The following PDE5A variants were observed in gnomAD, a reference collection of about 807,000 sequenced individuals.
PDE5A encodes phosphodiesterase 5A, also known as cGMP-specific 3',5'-cyclic phosphodiesterase.
A neutral mutation model predicts 110.2 loss-of-function variants in PDE5A; 67 were observed. The ratio of observed to expected loss-of-function variants is 0.61; its 90% CI spans 0.50 to 0.75. PDE5A has a LOEUF of 0.75. Among genes scored for constraint, PDE5A ranks in the 30% least tolerant of loss-of-function variants. The probability of loss-of-function intolerance (pLI) is 0.00; values close to 1 mark genes in which losing one functional copy is unlikely to be tolerated. For synonymous variants in PDE5A, 328 were observed against 351.2 expected (o/e 0.93, Z 0.74); for missense variants, 862 against 1,045.1 (o/e 0.82, Z 2.42).
chr4:119,603,371 AATAAATACATAC>A (rs1266591605), intron 2 of PDE5A, among the ~76,000 whole-genome samples: 1 of 91,552 alleles, frequency 1.1e-5, no homozygotes, highest in African/African-American at 3.8e-5. Context: ...TCTGGCTTAA[AATAAATACATAC>A]ATACATACAT....
intron 9 of PDE5A, chr4:119,548,881 A>G (rs959026468): frequency 6.6e-6 from 1 of 152,224 alleles, no homozygotes; most frequent in African/African-American, 2.4e-5. Context: ...AAAAACCTGG[A>G]TACTTTAAGT....
chr4:119,504,481 G>C, intron 18 of PDE5A, 55 bp downstream of exon 18: 1 of 1,373,326 alleles, frequency 7.3e-7, no homozygotes, highest in Non-Finnish European at 1.0e-6. Flanking sequence ...TGGGATTGCT[G>C]GGTAGAATGT....
intron 2 of PDE5A, among the ~76,000 whole-genome samples, chr4:119,603,971 G>A (rs1196590864): frequency 2.0e-5 from 3 of 152,176 alleles, no homozygotes; most frequent in Admixed American, 6.6e-5. Flanking sequence ...ATGGTGCTTA[G>A]TAATGAATTA....
At chr4:119,607,421 A>C (rs751002170) in intron 1 of PDE5A, 124 bp from the exon 2 acceptor site, 1 of 664,950 alleles carries the variant, frequency 1.5e-6, no homozygotes, top group Non-Finnish European at 2.5e-6. Flanking sequence ...ATAGAAAATA[A>C]AAACAAGATG....
In PDE5A at chr4:119,525,406, T is replaced by G. The variant is rs936477009; in HGVS notation, c.1779+143A>C. 2 of 675,454 alleles carry G rather than the reference T, an allele frequency of 3.0e-6. No individual in the cohort carries two copies. Among genetic ancestry groups the G allele is most frequent in the Non-Finnish European group, 4.7e-6 (2 of 428,722 alleles). The allele number at this position is 675,454 out of a possible 1,614,324, so 41.8% of individuals were successfully genotyped here. ...TAATGATAATTTTTCTTTAAAAGTC[T>G]CGGGTATATATTAGGTGACAGTATA... On this transcript the variant is annotated intron_variant, in intron 12 of 20. Coordinates refer to ENST00000354960, the MANE Select transcript of PDE5A (RefSeq NM_001083.4). This position sits in a 1 kb window ranked among gnomAD's most constrained non-coding sequence, Gnocchi z 4.3.
chr4:119,620,616 C>T (rs1440553226), intron 1 of PDE5A, among the ~76,000 whole-genome samples: 1 of 152,108 alleles, frequency 6.6e-6, no homozygotes, highest in Non-Finnish European at 1.5e-5. Flanking sequence ...GAATTCAAAA[C>T]AAGTATGTTT....
Position 119,627,673 on chromosome 4 carries a change from ACT to A in PDE5A, c.152+845_152+846del, listed in dbSNP as rs1730409380. 1 of 150,448 alleles carries A rather than the reference ACT, an allele frequency of 6.6e-6. No homozygotes were observed. The highest frequency in any genetic ancestry group is 6.6e-5 in the Admixed American group (1 of 15,100). The allele number at this position is 150,448 out of a possible 1,614,324, so 9.3% of individuals were successfully genotyped here. The stretch of plus-strand genomic sequence containing the variant: ...TGCTCCCAGTCTCAATTCCTCCCCA[ACT>A]CTCCCGCGAGCGTTTCCCACGAGCG... On this transcript the variant is annotated intron_variant, in intron 1 of 20. Coordinates refer to ENST00000354960, the MANE Select transcript of PDE5A (RefSeq NM_001083.4). The surrounding 1 kb of genome is among the most constrained non-coding windows in gnomAD (Gnocchi z 4.6).
At chr4:119,606,012 A>G (rs1271194979) in intron 2 of PDE5A, among the ~76,000 whole-genome samples, 1 of 152,228 alleles carries the variant, frequency 6.6e-6, no homozygotes, top group African/African-American at 2.4e-5. Flanking sequence ...TTTAAAACTA[A>G]AATTCCATTA....
At chr4:119,531,374 G>A (rs1490235128) in intron 11 of PDE5A, among the ~76,000 whole-genome samples, 2 of 152,040 alleles carry the variant, frequency 1.3e-5, no homozygotes, top group Non-Finnish European at 2.9e-5. Context: ...CACCTCCCAA[G>A]TTCAAGTGAT....
Position 119,503,519 on chromosome 4 carries a change from C to T in PDE5A, c.2332-864G>A, listed in dbSNP as rs140902104. Among the ~76,000 whole-genome samples the T allele has an allele frequency of 4.1e-3, 619 of 152,140 alleles. 12 individuals carry two copies. In the East Asian group the frequency reaches 0.047, roughly 11 times the overall value. Reference sequence around the variant, plus strand: ...ATGTCTATTTAGAGCTGAGGCACAGCGTAGAAGGCTAACCATAAGAAAAGT... The same window carrying T: ...ATGTCTATTTAGAGCTGAGGCACAGTGTAGAAGGCTAACCATAAGAAAAGT... On this transcript the variant is annotated intron_variant, in intron 18 of 20. Transcript: ENST00000354960.
chr4:119,596,610 A>C lies in PDE5A; in HGVS notation c.744T>G (p.Asp248Glu). The change falls in exon 3 of 21, where the codon GAT (aspartate) becomes GAG (glutamate). Residue 248 changes from aspartate (D) to glutamate (E), a missense_variant and splice_region_variant. Asp to Glu is a conservative substitution (Grantham distance 45). Coordinates refer to ENST00000354960, the MANE Select transcript of PDE5A (RefSeq NM_001083.4). ...GGTCAACTTCTGCATTGAACCGAGG[A>C]TCCTAGTATGGAAAAAGAAATTCAA... ...EPLNIKDAYE[D>E]PRFNAEVDQI... 6.4e-7 allele frequency: 1 copy of C among 1,560,904 alleles called. No individual in the cohort carries two copies. The highest frequency in any genetic ancestry group is 8.7e-7 in the Non-Finnish European group (1 of 1,144,846).
Position 119,525,710 on chromosome 4 carries a change from GAAGA to G in PDE5A, c.1633-19_1633-16del. Reference sequence around the variant, plus strand: ...ACCACAGCAGCCTTGGGTAAGGAAAGAAGAAAAAAAAAAATGCTGTTAATTAAAG... The same window carrying G: ...ACCACAGCAGCCTTGGGTAAGGAAAGAAAAAAAAAATGCTGTTAATTAAAG... On this transcript the variant is annotated splice_polypyrimidine_tract_variant and intron_variant, in intron 11 of 20. Transcript: ENST00000354960. This position sits in a 1 kb window ranked among gnomAD's most constrained non-coding sequence, Gnocchi z 4.3. The G allele has an allele frequency of 6.5e-7, 1 of 1,529,662 alleles. No individual in the cohort carries two copies. Among genetic ancestry groups the G allele is most frequent in the Non-Finnish European group, 8.7e-7 (1 of 1,147,278 alleles). The allele number at this position is 1,529,662 out of a possible 1,614,324, so 94.8% of individuals were successfully genotyped here. A position where few individuals can be genotyped will look rare whatever the true frequency, so the allele number is the denominator to read the frequency against.
At chr4:119,544,491 A>C (rs1727063288) in intron 9 of PDE5A, among the ~76,000 whole-genome samples, 1 of 152,172 alleles carries the variant, frequency 6.6e-6, no homozygotes, top group Non-Finnish European at 1.5e-5. Context: ...ATGTCCTTCA[A>C]CCTTTGTGAA....
intron 12 of PDE5A, among the ~76,000 whole-genome samples, chr4:119,523,056 TA>T (rs1726187733): frequency 1.3e-5 from 2 of 151,938 alleles, no homozygotes; most frequent in African/African-American, 4.8e-5. Context: ...TAAATAAACA[TA>T]AAATTGAGAG....
chr4:119,571,097 C>T (rs1728126482), intron 3 of PDE5A, among the ~76,000 whole-genome samples: 2 of 152,266 alleles, frequency 1.3e-5, no homozygotes, highest in South Asian at 4.1e-4. Context: ...ATCCCACCCC[C>T]ACATCCTCTC....
At chr4:119,542,715 T>C (rs915888601) in intron 9 of PDE5A, 81 bp from the exon 10 acceptor site, 57 of 1,258,770 alleles carry the variant, frequency 4.5e-5, no homozygotes, top group African/African-American at 5.9e-5. Context: ...CACCCAAAGA[T>C]TGTCTTACAC....
intron 11 of PDE5A, among the ~76,000 whole-genome samples, chr4:119,538,411 AT>A (rs1726804608): frequency 6.6e-6 from 1 of 152,170 alleles, no homozygotes; most frequent in Non-Finnish European, 1.5e-5. Flanking sequence ...TCAAATTTTC[AT>A]TAATCTCAAC....
At chr4:119,541,075 G>A (rs773863184) in intron 10 of PDE5A, among the ~76,000 whole-genome samples, 10 of 152,126 alleles carry the variant, frequency 6.6e-5, no homozygotes, top group Non-Finnish European at 1.5e-4. Flanking sequence ...GAAGGGAAGT[G>A]CAGAGGAGTG....
intron 18 of PDE5A, among the ~76,000 whole-genome samples, chr4:119,504,291 T>C (rs755343332): frequency 1.3e-5 from 2 of 152,180 alleles, no homozygotes; most frequent in African/African-American, 2.4e-5. Context: ...TTGATTCTTT[T>C]TATGCCTGCA....
Sources: allele counts gnomAD v4.1 joint callset (sites outside exome capture counted in the v4.1 genomes callset), GRCh38; gene constraint gnomAD v4.1.1; non-coding constraint Gnocchi (gnomAD v3.1); transcripts MANE v1.5; gene names NCBI Gene and HGNC (gene_info 2026-07-23, HGNC 2026-07-21).